The following PKIA variants were observed in gnomAD, a reference collection of about 807,000 sequenced individuals.
PKIA encodes the protein PKI-alpha.
A neutral mutation model predicts 7.6 loss-of-function variants in PKIA; 4 were observed. The ratio of observed to expected loss-of-function variants is 0.52; its 90% confidence interval spans 0.26 to 1.20. The LOEUF (loss-of-function observed/expected upper bound fraction) is 1.20. Ranked by LOEUF, PKIA falls within the 50% of genes most tolerant of loss-of-function variation. The probability of loss-of-function intolerance (pLI) is 0.13; values close to 1 mark genes in which losing one functional copy is unlikely to be tolerated. For synonymous variants in PKIA, 21 were observed against 30.7 expected (o/e 0.68, Z 1.04); for missense variants, 73 against 86.2 (o/e 0.85, Z 0.61).
chr8:78,557,031 A>G (rs367703209), intron 1 of PKIA, among the ~76,000 whole-genome samples: 6 of 152,100 alleles, frequency 3.9e-5, no homozygotes, highest in Non-Finnish European at 7.4e-5. Context: ...CTAATTTTGT[A>G]TGTGCATATG....
intron 2 of PKIA, among the ~76,000 whole-genome samples, chr8:78,575,984 C>T (rs7831468): frequency 0.25 from 37,534 of 151,950 alleles, 5,501 homozygotes; most frequent in African/African-American, 0.41. Flanking sequence ...GACTACTGCC[C>T]TCCTGCTATG....
At chr8:78,561,907 C>T (rs2118518741) in intron 1 of PKIA, among the ~76,000 whole-genome samples, 1 of 152,152 alleles carries the variant, frequency 6.6e-6, no homozygotes, top group Non-Finnish European at 1.5e-5. Flanking sequence ...TCTTTGTATC[C>T]CCATTCTCAG....
intron 1 of PKIA, among the ~76,000 whole-genome samples, chr8:78,550,735 T>C (rs1212899906): frequency 6.6e-6 from 1 of 152,034 alleles, no homozygotes; most frequent in Non-Finnish European, 1.5e-5. Context: ...TAGTGGTGAT[T>C]TGTGAGATTT....
At chr8:78,548,064 A>G (rs937225821) in intron 1 of PKIA, among the ~76,000 whole-genome samples, 1 of 151,072 alleles carries the variant, frequency 6.6e-6, no homozygotes, top group Non-Finnish European at 1.5e-5. Flanking sequence ...ATAGTATGAA[A>G]TAAGTTTTAA....
At chr8:78,560,880 C>T (rs1295203524) in intron 1 of PKIA, among the ~76,000 whole-genome samples, 1 of 152,188 alleles carries the variant, frequency 6.6e-6, no homozygotes, top group Non-Finnish European at 1.5e-5. Flanking sequence ...AAACCAGGCT[C>T]AGGAAGATTA....
intron 1 of PKIA, among the ~76,000 whole-genome samples, chr8:78,550,816 AC>A (rs1806966131): frequency 6.6e-6 from 1 of 151,472 alleles, no homozygotes; most frequent in Non-Finnish European, 1.5e-5. Flanking sequence ...CCCCCTTCCC[AC>A]CCTTTCTCCC....
chr8:78,524,437 A>C (rs906576599), intron 1 of PKIA, among the ~76,000 whole-genome samples: 1 of 151,420 alleles, frequency 6.6e-6, no homozygotes, highest in Non-Finnish European at 1.5e-5. Context: ...GTTCTTGGGG[A>C]AATGGCTTTC....
chr8:78,524,669 TCTC>T (rs1204319249), intron 1 of PKIA, among the ~76,000 whole-genome samples: 2 of 151,900 alleles, frequency 1.3e-5, no homozygotes, highest in Non-Finnish European at 2.9e-5. Flanking sequence ...TTTTTCATCT[TCTC>T]CATATTAGAG....
intron 1 of PKIA, among the ~76,000 whole-genome samples, chr8:78,523,319 A>G (rs1012513823): frequency 1.3e-5 from 2 of 151,884 alleles, no homozygotes. Context: ...CATTTCTCCT[A>G]TGGTTTACCT....
At chr8:78,580,641 T>G (rs1807782802) in intron 2 of PKIA, among the ~76,000 whole-genome samples, 1 of 152,014 alleles carries the variant, frequency 6.6e-6, no homozygotes, top group Non-Finnish European at 1.5e-5. Context: ...TCAATACAGA[T>G]AGTTATAGTC....
intron 1 of PKIA, among the ~76,000 whole-genome samples, chr8:78,543,124 C>T (rs184861444): frequency 6.6e-6 from 1 of 152,290 alleles, no homozygotes; most frequent in Admixed American, 6.5e-5. Context: ...ATTCTCAGAA[C>T]TCTACATGCC....
chr8:78,564,223 G>T (rs534138834), intron 1 of PKIA, among the ~76,000 whole-genome samples: 15 of 152,020 alleles, frequency 9.9e-5, no homozygotes, highest in African/African-American at 3.4e-4. Flanking sequence ...GAATGAGAAA[G>T]AATTTACTGG....
At chr8:78,534,166 T>C (rs1806460237) in intron 1 of PKIA, 1 of 152,142 alleles carries the variant, frequency 6.6e-6, no homozygotes, top group Non-Finnish European at 1.5e-5. Flanking sequence ...AATTAGGTTA[T>C]TCCAGTGATA....
In PKIA at chr8:78,605,258, C is replaced by A. The variant is rs945460891; in HGVS notation, c.*3437C>A. 6.6e-6 allele frequency: 1 copy of A among 151,906 alleles called. No individual in the cohort carries two copies. Among genetic ancestry groups the A allele is most frequent in the African/African-American group, 2.4e-5 (1 of 41,388 alleles). The allele number at this position is 151,906 out of a possible 1,614,324, so 9.4% of individuals were successfully genotyped here. On this transcript the variant is annotated 3_prime_UTR_variant, in exon 4 of 4. Coordinates refer to ENST00000396418, the MANE Select transcript of PKIA (RefSeq NM_006823.4). ...TGAAAATTAAAAGTAACACATTTTT[C>A]TGAAATGTACACAGTCTATTAAGAG...
chr8:78,602,714 T>TATATATATATA lies in PKIA; in HGVS notation c.*893_*894insATATATATATA, dbSNP rs1563597495. On this transcript the variant is annotated 3_prime_UTR_variant, in exon 4 of 4. Coordinates refer to ENST00000396418, the MANE Select transcript of PKIA (RefSeq NM_006823.4). Reference sequence around the variant, plus strand: ...CACATAATATATATATATATATATATTTTAATTTATGAGAATTTTGGACAA... The same window carrying TATATATATATA: ...CACATAATATATATATATATATATATATATATATATATTTAATTTATGAGAATTTTGGACAA... The TATATATATATA allele has an allele frequency of 1.4e-5, 2 of 147,986 alleles. No individual in the cohort carries two copies. Among genetic ancestry groups the TATATATATATA allele is most frequent in the Non-Finnish European group, 1.5e-5 (1 of 67,116 alleles). 9.2% of individuals were successfully genotyped at this position (147,986 alleles called of 1,614,324 possible).
intron 1 of PKIA, among the ~76,000 whole-genome samples, chr8:78,547,860 G>A (rs1455719478): frequency 6.6e-6 from 1 of 150,596 alleles, no homozygotes; most frequent in Non-Finnish European, 1.5e-5. Context: ...AAAATGTGAT[G>A]AAAGATGAAG....
intron 2 of PKIA, among the ~76,000 whole-genome samples, chr8:78,590,138 C>A (rs1808059239): frequency 1.3e-5 from 2 of 152,070 alleles, no homozygotes; most frequent in Non-Finnish European, 2.9e-5. Context: ...GTGAACTTGT[C>A]AGTTTCCCAA....
At chr8:78,576,817 T>C (rs780362086) in intron 2 of PKIA, among the ~76,000 whole-genome samples, 20 of 151,994 alleles carry the variant, frequency 1.3e-4, no homozygotes, top group Non-Finnish European at 2.4e-4. Context: ...GACCCAACAA[T>C]CACATTACTG....
At chr8:78,554,055 A>G (rs1807061522) in intron 1 of PKIA, among the ~76,000 whole-genome samples, 1 of 151,940 alleles carries the variant, frequency 6.6e-6, no homozygotes, top group Non-Finnish European at 1.5e-5. Context: ...CAAACTTGAC[A>G]CCCAGCAATA....
Sources: allele counts gnomAD v4.1 joint callset (sites outside exome capture counted in the v4.1 genomes callset), GRCh38; gene constraint gnomAD v4.1.1; transcripts MANE v1.5; gene names NCBI Gene and HGNC (gene_info 2026-07-23, HGNC 2026-07-21).